TAFA1: variants seen among roughly 807,000 people sequenced by gnomAD.
TAFA1 encodes the protein chemokine-like protein TAFA-1.
In TAFA1, 4 loss-of-function variants were observed where a neutral mutation model predicts 18.5. The ratio of observed to expected loss-of-function variants is 0.22; its 90% confidence interval spans 0.11 to 0.49. The LOEUF (loss-of-function observed/expected upper bound fraction) is 0.49, where lower values mean the gene tolerates loss of function less well. Ranked by LOEUF, TAFA1 falls within the 20% of genes least tolerant of loss-of-function variation. The pLI, the probability that TAFA1 is intolerant of heterozygous loss-of-function variation, is 0.98. For missense variants in TAFA1, 147 were observed against 169.0 expected (o/e 0.87, Z 0.72); for synonymous variants, 56 against 55.2 (o/e 1.01, Z -0.06).
At chr3:68,404,815 A>G (rs1193045465) in intron 2 of TAFA1, among the ~76,000 whole-genome samples, 2 of 152,022 alleles carry the variant, frequency 1.3e-5, no homozygotes, top group African/African-American at 2.4e-5. Flanking sequence ...AAAAAAAAAA[A>G]AAGGATGGCT....
chr3:68,122,197 A>AT (rs1295631708), intron 2 of TAFA1, among the ~76,000 whole-genome samples: 85 of 131,178 alleles, frequency 6.5e-4, no homozygotes, highest in Middle Eastern at 4.3e-3. Context: ...TTCTTTATAT[A>AT]TTTTTTTTAA....
chr3:68,307,983 G>C (rs1445675340), intron 2 of TAFA1, among the ~76,000 whole-genome samples: 1 of 152,002 alleles, frequency 6.6e-6, no homozygotes, highest in Admixed American at 6.6e-5. Context: ...AGACAAAAAT[G>C]CTCATTTTTA....
chr3:68,502,687 C>T (rs1023522209), intron 3 of TAFA1, among the ~76,000 whole-genome samples: 2 of 152,084 alleles, frequency 1.3e-5, no homozygotes, highest in Admixed American at 1.3e-4. Flanking sequence ...TGATCTGCCA[C>T]ATTCACCTTC....
intron 2 of TAFA1, among the ~76,000 whole-genome samples, chr3:68,369,295 T>G (rs998836516): frequency 1.3e-5 from 2 of 152,224 alleles, no homozygotes; most frequent in Non-Finnish European, 2.9e-5. Flanking sequence ...AGATGAGCTT[T>G]TGACAAATCC....
At chr3:68,278,859 A>T (rs2067844714) in intron 2 of TAFA1, among the ~76,000 whole-genome samples, 1 of 152,152 alleles carries the variant, frequency 6.6e-6, no homozygotes. Context: ...CAGATGACAC[A>T]GATTCTGCCT....
In TAFA1 at chr3:68,167,303, CGCCGTG is replaced by C. The variant is rs1348460974; in HGVS notation, c.118+160562_118+160567del. On this transcript the variant is annotated intron_variant, in intron 2 of 4. Coordinates refer to ENST00000478136, the MANE Select transcript of TAFA1 (RefSeq NM_213609.4). ...CATAAAAGTTAAAAATGCGGCCGGG[CGCCGTG>C]GCTCACGCCTGTAATCCCAGCACTT... 3.9e-5 allele frequency among the ~76,000 whole-genome samples: 6 copies of C among 152,302 alleles called. No homozygotes were observed. In the East Asian group the frequency reaches 1.2e-3, roughly 29 times the overall value.
At chr3:68,218,850 C>A (rs2066694466) in intron 2 of TAFA1, among the ~76,000 whole-genome samples, 1 of 152,084 alleles carries the variant, frequency 6.6e-6, no homozygotes, top group Admixed American at 6.6e-5. Context: ...TCCAAGAGAC[C>A]ATAGTGTTGT....
intron 3 of TAFA1, among the ~76,000 whole-genome samples, chr3:68,485,268 G>A (rs1460344774): frequency 2.6e-5 from 4 of 152,190 alleles, no homozygotes; most frequent in Admixed American, 2.6e-4. Context: ...TTTGCCAGAT[G>A]TCTAACTGAT....
At chr3:68,108,885 G>T (rs1480494723) in intron 2 of TAFA1, among the ~76,000 whole-genome samples, 2 of 151,950 alleles carry the variant, frequency 1.3e-5, no homozygotes, top group South Asian at 2.1e-4. Context: ...CTCTGTAGAA[G>T]TGACTTATAC....
intron 2 of TAFA1, among the ~76,000 whole-genome samples, chr3:68,332,444 G>A (rs767002743): frequency 6.6e-6 from 1 of 152,052 alleles, no homozygotes; most frequent in Non-Finnish European, 1.5e-5. Flanking sequence ...TTATTGCACA[G>A]CAAAGAAAAC....
At chr3:68,312,088 G>T (rs949370245) in intron 2 of TAFA1, among the ~76,000 whole-genome samples, 1 of 152,160 alleles carries the variant, frequency 6.6e-6, no homozygotes, top group African/African-American at 2.4e-5. Context: ...TGAGTTCTAC[G>T]TTGACCCCTT....
intron 2 of TAFA1, among the ~76,000 whole-genome samples, chr3:68,395,185 A>AT (rs1484108355): frequency 2.0e-5 from 3 of 152,134 alleles, no homozygotes; most frequent in African/African-American, 7.2e-5. Flanking sequence ...CAACAAACAT[A>AT]TGAAAAAAAA....
intron 2 of TAFA1, among the ~76,000 whole-genome samples, chr3:68,211,170 T>C (rs2066592053): frequency 6.6e-6 from 1 of 152,004 alleles, no homozygotes; most frequent in Non-Finnish European, 1.5e-5. Context: ...ATTTCTACAA[T>C]ATCTTATCGG....
rs1559608919 is a variant in TAFA1 at position 68,305,423 on chromosome 3, ATAT to A, written c.119-111856_119-111854del. On this transcript the variant is annotated intron_variant, in intron 2 of 4. Transcript: ENST00000478136. Reference sequence around the variant, plus strand: ...TGACTATATGACTATATATATATATATATATATATATATATATATATATATATA... The same window carrying A: ...TGACTATATGACTATATATATATATAATATATATATATATATATATATATA... Among the ~76,000 whole-genome samples, 187 of 94,298 alleles carry A rather than the reference ATAT, an allele frequency of 2.0e-3. 5 individuals carry two copies. The highest frequency in any genetic ancestry group is 0.017 in the Middle Eastern group (4 of 232). 61.9% of individuals were successfully genotyped at this position (94,298 alleles called of 152,430 possible). A position where few individuals can be genotyped will look rare whatever the true frequency, so the allele number is the denominator to read the frequency against.
At chr3:68,065,588 T>C (rs2064663799) in intron 2 of TAFA1, among the ~76,000 whole-genome samples, 1 of 152,048 alleles carries the variant, frequency 6.6e-6, no homozygotes, top group African/African-American at 2.4e-5. Flanking sequence ...GACTTAGAAC[T>C]CACAAGGGAG....
intron 3 of TAFA1, among the ~76,000 whole-genome samples, chr3:68,433,835 C>A (rs2071224140): frequency 6.6e-6 from 1 of 152,102 alleles, no homozygotes; most frequent in Admixed American, 6.6e-5. Flanking sequence ...TTAGTTCTAA[C>A]AATTGAAAGG....
chr3:68,291,651 G>A (rs1403780876), intron 2 of TAFA1, among the ~76,000 whole-genome samples: 1 of 151,828 alleles, frequency 6.6e-6, no homozygotes, highest in Non-Finnish European at 1.5e-5. Context: ...CACACGTTAA[G>A]GTAGTGCAGA....
chr3:68,011,933 A>G (rs546001765), intron 2 of TAFA1, among the ~76,000 whole-genome samples: 41 of 152,350 alleles, frequency 2.7e-4, no homozygotes, highest in African/African-American at 9.1e-4. Context: ...TTACAATGCT[A>G]TAAAAACTCT....
intron 3 of TAFA1, among the ~76,000 whole-genome samples, chr3:68,497,099 A>G (rs769472559): frequency 6.6e-6 from 1 of 152,188 alleles, no homozygotes; most frequent in East Asian, 1.9e-4. Context: ...CATGTATTAG[A>G]CATGATTATA....
Sources: allele counts gnomAD v4.1 joint callset (sites outside exome capture counted in the v4.1 genomes callset), GRCh38; gene constraint gnomAD v4.1.1; transcripts MANE v1.5; gene names NCBI Gene and HGNC (gene_info 2026-07-23, HGNC 2026-07-21).